Variants in ZNF804B observed in about 807,000 individuals in gnomAD.
ZNF804B encodes the protein zinc finger protein 804B.
In ZNF804B, 80 loss-of-function variants were observed where a neutral mutation model predicts 101.4. That is an observed-to-expected ratio of 0.79 (90% confidence interval 0.66 to 0.95). The LOEUF is 0.95. ZNF804B is among the 40% of genes least tolerant of loss of function. The pLI, the probability that ZNF804B is intolerant of heterozygous loss-of-function variation, is 0.00. For synonymous variants in ZNF804B, 622 were observed against 558.8 expected (o/e 1.11, Z -1.59); for missense variants, 1,673 against 1,561.9 (o/e 1.07, Z -1.20).
chr7:89,297,373 C>T (rs577741225), intron 2 of ZNF804B, among the ~76,000 whole-genome samples: 2 of 152,068 alleles, frequency 1.3e-5, no homozygotes, highest in South Asian at 4.1e-4. Flanking sequence ...ATTAACTATG[C>T]TAAATAATAA....
At chr7:89,329,890 A>C (rs919499625) in intron 3 of ZNF804B, among the ~76,000 whole-genome samples, 1 of 151,630 alleles carries the variant, frequency 6.6e-6, no homozygotes. Flanking sequence ...ATGGAACACG[A>C]AAGAATGACA....
chr7:88,789,969 T>A (rs765329518), intron 1 of ZNF804B, among the ~76,000 whole-genome samples: 8 of 152,112 alleles, frequency 5.3e-5, no homozygotes, highest in Non-Finnish European at 1.0e-4. Context: ...TTTCAAGTAA[T>A]ATTATTTAAG....
At chr7:88,992,466 G>A (rs778366670) in intron 1 of ZNF804B, among the ~76,000 whole-genome samples, 1 of 152,024 alleles carries the variant, frequency 6.6e-6, no homozygotes, top group Non-Finnish European at 1.5e-5. Flanking sequence ...TAGTTCTATA[G>A]ACCAAAAATC....
chr7:89,225,475 T>C (rs1304214301), intron 2 of ZNF804B, among the ~76,000 whole-genome samples: 4 of 152,156 alleles, frequency 2.6e-5, no homozygotes, highest in Non-Finnish European at 2.9e-5. Context: ...TATTAGCCAC[T>C]GTGTCTCTAG....
At chr7:89,127,452 G>A (rs17166917) in intron 1 of ZNF804B, among the ~76,000 whole-genome samples, 36,434 of 151,602 alleles carry the variant, frequency 0.24, 6,131 homozygotes, top group African/African-American at 0.49. Flanking sequence ...TATACTGAAA[G>A]TGCCTCAATG....
intron 1 of ZNF804B, among the ~76,000 whole-genome samples, chr7:88,814,844 C>T (rs1199794147): frequency 6.6e-6 from 1 of 151,488 alleles, no homozygotes; most frequent in Non-Finnish European, 1.5e-5. Context: ...CTTTTGTTTC[C>T]CCTTACTTTT....
At chr7:89,279,190 C>T (rs962203620) in intron 2 of ZNF804B, among the ~76,000 whole-genome samples, 232 of 151,940 alleles carry the variant, frequency 1.5e-3, no homozygotes, top group African/African-American at 4.4e-3. Context: ...GTGATTTTTG[C>T]ACATTGATTT....
intron 2 of ZNF804B, among the ~76,000 whole-genome samples, chr7:89,281,403 C>A (rs982661451): frequency 2.0e-5 from 3 of 152,036 alleles, no homozygotes; most frequent in African/African-American, 7.2e-5. Context: ...TGCAGTAGAA[C>A]CCATAAGAAA....
intron 1 of ZNF804B, among the ~76,000 whole-genome samples, chr7:89,022,065 C>T (rs959987511): frequency 6.6e-6 from 1 of 151,780 alleles, no homozygotes; most frequent in Non-Finnish European, 1.5e-5. Context: ...CTTTTTTTTC[C>T]ACGAGGGGAA....
chr7:89,038,144 C>T (rs1438924363), intron 1 of ZNF804B, among the ~76,000 whole-genome samples: 2 of 152,128 alleles, frequency 1.3e-5, no homozygotes, highest in African/African-American at 4.8e-5. Context: ...CACTGGGGTG[C>T]AGGTATCCCC....
At chr7:89,234,982 T>G (rs576177446) in intron 2 of ZNF804B, among the ~76,000 whole-genome samples, 4 of 152,286 alleles carry the variant, frequency 2.6e-5, no homozygotes, top group African/African-American at 9.6e-5. Context: ...ATTGGTTCTC[T>G]CTCTCTGGAG....
intron 1 of ZNF804B, among the ~76,000 whole-genome samples, chr7:89,022,546 A>G (rs1788683172): frequency 6.6e-6 from 1 of 152,154 alleles, no homozygotes; most frequent in African/African-American, 2.4e-5. Flanking sequence ...TAAGTATGTC[A>G]GTGTGGTTTT....
In ZNF804B at chr7:89,122,592, A is replaced by C. The variant is rs551789204; in HGVS notation, c.109-95563A>C. On this transcript the variant is annotated intron_variant, in intron 1 of 3. Coordinates refer to ENST00000333190, the MANE Select transcript of ZNF804B (RefSeq NM_181646.5). ...CTTGTCCTGCGGTTGCTGTTGCTCCAGTGACCCATTAATGCTTCTATGGCT... is the reference window on the plus strand; with the variant it reads ...CTTGTCCTGCGGTTGCTGTTGCTCCCGTGACCCATTAATGCTTCTATGGCT... 2.0e-3 allele frequency among the ~76,000 whole-genome samples: 309 copies of C among 152,268 alleles called. 2 individuals carry two copies. Among genetic ancestry groups the C allele is most frequent in the Middle Eastern group, 3.4e-3 (1 of 294 alleles).
intron 1 of ZNF804B, among the ~76,000 whole-genome samples, chr7:88,792,767 T>C (rs1448937571): frequency 5.3e-5 from 8 of 152,116 alleles, no homozygotes; most frequent in Non-Finnish European, 1.0e-4. Context: ...CATTTTATCT[T>C]AAACATTTTT....
chr7:89,123,062 T>C (rs1790427946), intron 1 of ZNF804B, among the ~76,000 whole-genome samples: 1 of 151,908 alleles, frequency 6.6e-6, no homozygotes, highest in African/African-American at 2.4e-5. Context: ...CTTGTCACGG[T>C]ATACTTGAAA....
At chr7:88,899,657 C>A (rs573743198) in intron 1 of ZNF804B, among the ~76,000 whole-genome samples, 1 of 152,058 alleles carries the variant, frequency 6.6e-6, no homozygotes, top group Non-Finnish European at 1.5e-5. Context: ...TTTTTTACTT[C>A]TCATTACTTC....
At chr7:89,157,123 A>G in intron 1 of ZNF804B, among the ~76,000 whole-genome samples, 1 of 152,346 alleles carries the variant, frequency 6.6e-6, no homozygotes, top group South Asian at 2.1e-4. Flanking sequence ...GTCAGCAGTA[A>G]AATAAGATTT....
intron 2 of ZNF804B, among the ~76,000 whole-genome samples, chr7:89,221,042 A>G (rs963575985): frequency 6.6e-6 from 1 of 151,862 alleles, no homozygotes; most frequent in Non-Finnish European, 1.5e-5. Flanking sequence ...GGAGGCATAT[A>G]ATGTCTGGTT....
chr7:88,953,942 A>T (rs765766489), intron 1 of ZNF804B, among the ~76,000 whole-genome samples: 2 of 151,726 alleles, frequency 1.3e-5, no homozygotes, highest in African/African-American at 4.8e-5. Context: ...TGTATTATGA[A>T]TGTCACCTCT....
Sources: allele counts gnomAD v4.1 joint callset (sites outside exome capture counted in the v4.1 genomes callset), GRCh38; gene constraint gnomAD v4.1.1; transcripts MANE v1.5; gene names NCBI Gene and HGNC (gene_info 2026-07-23, HGNC 2026-07-21).